Variants in CYP19A1 observed in about 807,000 individuals in gnomAD.
CYP19A1 encodes cytochrome P450 family 19 subfamily A member 1, also known as aromatase.
In CYP19A1, 32 loss-of-function variants were observed where a neutral mutation model predicts 44.4. The ratio of observed to expected loss-of-function variants is 0.72; its 90% CI spans 0.54 to 0.97. The LOEUF (loss-of-function observed/expected upper bound fraction) is 0.97, where lower values mean the gene tolerates loss of function less well. Among genes scored for constraint, CYP19A1 ranks in the 50% least tolerant of loss-of-function variants. The probability of loss-of-function intolerance (pLI) is 0.00; values close to 1 mark genes in which losing one functional copy is unlikely to be tolerated. For synonymous variants in CYP19A1, 212 were observed against 215.6 expected (o/e 0.98, Z 0.14); for missense variants, 598 against 637.8 (o/e 0.94, Z 0.67).
At chr15:51,326,911 T>C (rs1160488893) in intron 1 of CYP19A1, among the ~76,000 whole-genome samples, 2 of 152,204 alleles carry the variant, frequency 1.3e-5, no homozygotes, top group Non-Finnish European at 2.9e-5. Context: ...CATAGGCTTT[T>C]AAACCTGGAA....
chr15:51,279,725 AG>A (rs958208145), intron 1 of CYP19A1: 5 of 152,224 alleles, frequency 3.3e-5, no homozygotes, highest in African/African-American at 7.2e-5. Context: ...AAGGGCTAAT[AG>A]GGAATTAAAG....
chr15:51,337,164 T>C (rs1486264772), intron 1 of CYP19A1, among the ~76,000 whole-genome samples: 1 of 152,228 alleles, frequency 6.6e-6, no homozygotes, highest in Non-Finnish European at 1.5e-5. Flanking sequence ...TAATCAAATA[T>C]TCCTACTTGG....
At chr15:51,270,055 A>G (rs762118316) in intron 1 of CYP19A1, among the ~76,000 whole-genome samples, 2 of 152,226 alleles carry the variant, frequency 1.3e-5, no homozygotes, top group Non-Finnish European at 2.9e-5. Context: ...AATACAGCCA[A>G]TTATCCACGA....
chr15:51,294,487 G>C (rs1378933383), intron 1 of CYP19A1, among the ~76,000 whole-genome samples: 1 of 114,550 alleles, frequency 8.7e-6, no homozygotes, highest in Non-Finnish European at 1.9e-5. Flanking sequence ...CAGCTGCCCC[G>C]TCTGAGAAGT....
At chr15:51,226,611 C>T (rs1035186550) in intron 4 of CYP19A1, among the ~76,000 whole-genome samples, 4 of 152,178 alleles carry the variant, frequency 2.6e-5, no homozygotes, top group Non-Finnish European at 5.9e-5. Flanking sequence ...GTTCACAGCA[C>T]GGGCTGCTGG....
chr15:51,301,408 A>C (rs545152384), intron 1 of CYP19A1, among the ~76,000 whole-genome samples: 6 of 152,226 alleles, frequency 3.9e-5, no homozygotes, highest in Non-Finnish European at 8.8e-5. Flanking sequence ...GGCAGGCTTC[A>C]TCTCATTTGG....
chr15:51,256,548 G>A (rs975519911), intron 1 of CYP19A1, among the ~76,000 whole-genome samples: 11 of 152,222 alleles, frequency 7.2e-5, no homozygotes, highest in Middle Eastern at 3.4e-3. Flanking sequence ...ATTCTGATCC[G>A]CAAAGGCCAA....
At chr15:51,255,598 C>G (rs1202384329) in intron 1 of CYP19A1, 1 of 152,180 alleles carries the variant, frequency 6.6e-6, no homozygotes, top group Non-Finnish European at 1.5e-5. Context: ...TCAGGAAGCC[C>G]TTAACTGCTG....
chr15:51,330,529 CTTG>C (rs1005813469), intron 1 of CYP19A1, among the ~76,000 whole-genome samples: 2 of 152,186 alleles, frequency 1.3e-5, no homozygotes, highest in African/African-American at 2.4e-5. Context: ...ACCACTGGTA[CTTG>C]GCCCTTTGAG....
intron 1 of CYP19A1, among the ~76,000 whole-genome samples, chr15:51,334,814 A>G (rs952483596): frequency 6.6e-6 from 1 of 152,198 alleles, no homozygotes; most frequent in African/African-American, 2.4e-5. Context: ...AGAGATTAAG[A>G]TTAAAGCATG....
At chr15:51,251,177 G>A (rs542280615) in intron 1 of CYP19A1, among the ~76,000 whole-genome samples, 10 of 152,278 alleles carry the variant, frequency 6.6e-5, no homozygotes, top group Admixed American at 3.9e-4. Flanking sequence ...GGTGTTTGTC[G>A]TTCCTCCGGC....
chr15:51,291,342 T>C (rs530154860), intron 1 of CYP19A1, among the ~76,000 whole-genome samples: 13 of 151,752 alleles, frequency 8.6e-5, no homozygotes, highest in African/African-American at 3.1e-4. Flanking sequence ...TGCGGAGGTG[T>C]AGAGGAGGAG....
chr15:51,239,126 T>A (rs1208929972), intron 2 of CYP19A1, among the ~76,000 whole-genome samples: 1 of 152,218 alleles, frequency 6.6e-6, no homozygotes, highest in Non-Finnish European at 1.5e-5. Flanking sequence ...AAGCTGATCG[T>A]TGCTTCTCAG....
chr15:51,215,172 C>T lies in CYP19A1; in HGVS notation c.919G>A (p.Ala307Thr), dbSNP rs370257485. 2.5e-5 allele frequency: 41 copies of T among 1,613,966 alleles called. No homozygotes were observed. Among genetic ancestry groups the T allele is most frequent in the Non-Finnish European group, 3.2e-5 (38 of 1,180,010 alleles). ...AAAGAGACAGACATGGTGTCAGGAG[C>T]TGCGATCAGCATTTCCAATATGCAC... ...NQCILEMLIA[A>T]PDTMSVSLFF... Residue 307 changes from alanine to threonine, a missense_variant, in exon 8 of 10, where the codon GCT becomes ACT. Ala to Thr is a moderately conservative substitution (Grantham distance 58, BLOSUM62 0). Transcript: ENST00000396402.
intron 1 of CYP19A1, among the ~76,000 whole-genome samples, chr15:51,288,084 G>A (rs1293812578): frequency 6.6e-6 from 1 of 152,104 alleles, no homozygotes; most frequent in African/African-American, 2.4e-5. Flanking sequence ...AACCTCTCAA[G>A]AGTAAGGACC....
intron 1 of CYP19A1, among the ~76,000 whole-genome samples, chr15:51,295,785 A>G (rs2035983147): frequency 1.3e-5 from 2 of 152,186 alleles, no homozygotes; most frequent in African/African-American, 2.4e-5. Context: ...CCAGTTCTGG[A>G]TGGCTTCGGG....
intron 1 of CYP19A1, chr15:51,243,185 C>T (rs572107297): frequency 6.9e-5 from 30 of 432,242 alleles, no homozygotes; most frequent in African/African-American, 2.4e-4. Context: ...TTCCTTTAGA[C>T]GCTTGGTCTG....
At chr15:51,275,860 A>T (rs1332006782) in intron 1 of CYP19A1, among the ~76,000 whole-genome samples, 4 of 152,122 alleles carry the variant, frequency 2.6e-5, no homozygotes, top group African/African-American at 9.7e-5. Context: ...TTCATTTGTA[A>T]CATAGATCGC....
chr15:51,262,296 TGG>T (rs2034756126), intron 1 of CYP19A1, among the ~76,000 whole-genome samples: 1 of 152,188 alleles, frequency 6.6e-6, no homozygotes. Context: ...AATAAATATG[TGG>T]GTAAATCTCT....
Sources: allele counts gnomAD v4.1 joint callset (sites outside exome capture counted in the v4.1 genomes callset), GRCh38; gene constraint gnomAD v4.1.1; transcripts MANE v1.5; gene names NCBI Gene and HGNC (gene_info 2026-07-23, HGNC 2026-07-21).